The following HAL variants were observed in gnomAD, a reference collection of about 807,000 sequenced individuals.
HAL encodes the protein histidine ammonia-lyase.
A neutral mutation model predicts 81.1 loss-of-function variants in HAL; 85 were observed. The ratio of observed to expected loss-of-function variants is 1.05; its 90% CI spans 0.88 to 1.25. The LOEUF is 1.25. HAL is among the 50% of genes most tolerant of loss of function. HAL has a pLI of 0.00. For missense variants in HAL, 798 were observed against 836.6 expected, an observed-to-expected ratio of 0.95 and a Z score of 0.57; for synonymous variants, 301 against 309.2, an observed-to-expected ratio of 0.97 and a Z score of 0.28.
intron 7 of HAL, 43 bp downstream of exon 7, chr12:95,993,729 T>C (rs767083335): frequency 4.8e-6 from 5 of 1,045,072 alleles, no homozygotes; most frequent in Non-Finnish European, 7.6e-6. Context: ...ATTTAAAAGA[T>C]GAGGGTAGGT....
At chr12:95,989,952 AC>A in intron 10 of HAL, 1 of 234,888 alleles carries the variant, frequency 4.3e-6, no homozygotes. Context: ...TTTATCAAAA[AC>A]AGGCTTTTTT....
In HAL at chr12:95,973,356, C is replaced by T. The variant is rs982114013; in HGVS notation, c.*876G>A. ...CTCTAGGGCTCCATCTGACCTTTAT[C>T]AATAGGACTTATTTTAATGATTACC... On this transcript the variant is annotated 3_prime_UTR_variant, in exon 21 of 21. Coordinates refer to ENST00000261208, the MANE Select transcript of HAL (RefSeq NM_002108.4). 6.6e-6 allele frequency: 1 copy of T among 152,098 alleles called. No individual in the cohort carries two copies. The highest frequency in any genetic ancestry group is 2.4e-5 in the African/African-American group (1 of 41,402). 9.4% of individuals were successfully genotyped at this position (152,098 alleles called of 1,614,324 possible).
Position 95,980,713 on chromosome 12 carries a change from GT to G in HAL, c.1361del (p.Asp454AlafsTer39). The stretch of plus-strand genomic sequence containing the variant: ...GTTCATGGATGCCAATGGCCAAGTA[GT>G]CTAGGGCCTGAAAGAGGGTCTCCAT... ...FHGEYPAKAL[D>X]YLAIGIHELA... On this transcript the variant is annotated frameshift_variant, in exon 17 of 21. Transcript: ENST00000261208. LOFTEE classifies it high-confidence loss of function. 1 of 1,613,478 alleles carries G rather than the reference GT, an allele frequency of 6.2e-7. No individual in the cohort carries two copies. Among genetic ancestry groups the G allele is most frequent in the Non-Finnish European group, 8.5e-7 (1 of 1,179,368 alleles).
chr12:95,979,921 G>T (rs2080770807), intron 17 of HAL, among the ~76,000 whole-genome samples: 1 of 152,202 alleles, frequency 6.6e-6, no homozygotes, highest in Non-Finnish European at 1.5e-5. Flanking sequence ...GGTGACAATT[G>T]TGCAATTAAG....
chr12:95,980,669 C>T lies in HAL; in HGVS notation c.1406G>A (p.Arg469Lys). 6.2e-7 allele frequency: 1 copy of T among 1,614,088 alleles called. No individual in the cohort carries two copies. The highest frequency in any genetic ancestry group is 1.1e-5 in the South Asian group (1 of 91,088). ...GGGATTGCAGAGCCGCTCGATTCTT[C>T]TCTCACTGATTGCAGCAAGTTCATG... ...GIHELAAISE[R>K]RIERLCNPSL... The change falls in exon 17 of 21, where the codon AGA (arginine) becomes AAA (lysine). Residue 469 changes from arginine (R) to lysine (K), a missense_variant. Physicochemically the swap from Arg to Lys is conservative, Grantham distance 26 (BLOSUM62 2). Coordinates refer to ENST00000261208, the MANE Select transcript of HAL (RefSeq NM_002108.4).
chr12:95,992,806 C>G lies in HAL; in HGVS notation c.590-1G>C, dbSNP rs781671063. On this transcript the variant is annotated splice_acceptor_variant, in intron 8 of 20. Transcript: ENST00000261208. LOFTEE classifies it high-confidence loss of function. ...TCAGGACTTAGTGGTTTCCCAACAC[C>G]TGCAAAACAGAATTGATGTTTTCTC... The G allele has an allele frequency of 6.2e-7, 1 of 1,612,786 alleles. No homozygotes were observed.
At chr12:95,995,107 TA>T in intron 2 of HAL, 114 bp from the exon 3 acceptor site, 1 of 813,810 alleles carries the variant, frequency 1.2e-6, no homozygotes, top group Non-Finnish European at 2.2e-6. Context: ...ATGGCTGCTT[TA>T]AAACTGCTTC....
Position 95,980,823 on chromosome 12 carries a change from T to C in HAL, c.1328A>G (p.Asn443Ser). 1.3e-6 allele frequency: 2 copies of C among 1,594,722 alleles called. No homozygotes were observed. Among genetic ancestry groups the C allele is most frequent in the Non-Finnish European group, 8.6e-7 (1 of 1,162,616 alleles). The change falls in exon 16 of 21, where the codon AAC becomes AGC. Residue 443 changes from asparagine (N) to serine (S), a missense_variant. Asn to Ser is a conservative substitution (Grantham distance 46, BLOSUM62 1). Coordinates refer to ENST00000261208, the MANE Select transcript of HAL (RefSeq NM_002108.4). ...ANRGETVSGG[N>S]FHGEYPAKAL... ...TTTGGCTGGGTATTCACCATGGAAG[T>C]TTCCTCCAGAAACTGTCTCTCCCCT...
intron 20 of HAL, 45 bp from the exon 21 acceptor site, chr12:95,974,417 T>C (rs764973493): frequency 1.3e-6 from 2 of 1,580,804 alleles, no homozygotes; most frequent in Admixed American, 3.3e-5. Flanking sequence ...GACGACATTG[T>C]TTCCACATGC....
intron 9 of HAL, 37 bp downstream of exon 9, chr12:95,992,643 C>T (rs756035649): frequency 1.1e-5 from 18 of 1,585,232 alleles, no homozygotes; most frequent in Middle Eastern, 1.7e-4. Context: ...CATGTCCAGC[C>T]TCCACAGAGG....
intron 15 of HAL, chr12:95,983,559 C>T (rs1398444926): frequency 5.8e-6 from 2 of 343,826 alleles, no homozygotes; most frequent in African/African-American, 4.2e-5. Flanking sequence ...ACATTTGTGA[C>T]CCACGTCTTC....
chr12:95,985,767 G>A (rs1949876840), intron 14 of HAL, 141 bp downstream of exon 14: 1 of 666,162 alleles, frequency 1.5e-6, no homozygotes, highest in African/African-American at 1.8e-5. Context: ...TTTTCATAGA[G>A]ACAGTAAGAA....
In HAL at chr12:95,993,922, A is replaced by G; in HGVS notation, c.484+4T>C. On this transcript the variant is annotated splice_donor_region_variant and intron_variant, in intron 6 of 20. Transcript: ENST00000261208. The stretch of plus-strand genomic sequence containing the variant: ...ATATTTATAACATAAAGATAAAAAG[A>G]TACCTGTTTTCTCTTTTATGATGCT... 6.4e-7 allele frequency: 1 copy of G among 1,551,854 alleles called. No homozygotes were observed. Among genetic ancestry groups the G allele is most frequent in the Non-Finnish European group, 8.9e-7 (1 of 1,123,388 alleles).
At chr12:95,986,301 G>A (rs1949887846) in intron 12 of HAL, 141 bp from the exon 13 acceptor site, 3 of 681,548 alleles carry the variant, frequency 4.4e-6, no homozygotes, top group Non-Finnish European at 8.0e-6. Context: ...CCAAAGTGCT[G>A]GGATTACAGG....
At chr12:95,980,054 G>T (rs945362670) in intron 17 of HAL, among the ~76,000 whole-genome samples, 1 of 151,974 alleles carries the variant, frequency 6.6e-6, no homozygotes, top group African/African-American at 2.4e-5. Context: ...CTTCACAGAG[G>T]GTATCCTGAT....
intron 7 of HAL, 120 bp downstream of exon 7, chr12:95,993,652 T>C (rs1222670022): frequency 1.2e-6 from 1 of 835,862 alleles, no homozygotes; most frequent in African/African-American, 1.7e-5. Context: ...ACATGCAAGG[T>C]AACCCAAGCC....
At chr12:95,981,467 ATTC>A (rs975483569) in intron 15 of HAL, among the ~76,000 whole-genome samples, 3 of 152,056 alleles carry the variant, frequency 2.0e-5, no homozygotes, top group Non-Finnish European at 4.4e-5. Flanking sequence ...CTCTGAGGTA[ATTC>A]TTTTTTTATT....
chr12:95,982,481 C>A (rs17733203), intron 15 of HAL, among the ~76,000 whole-genome samples: 1 of 152,120 alleles, frequency 6.6e-6, no homozygotes, highest in Non-Finnish European at 1.5e-5. Flanking sequence ...AGAATAGATA[C>A]CTCTTCCCTA....
rs747622506 is a variant in HAL at position 95,986,081 on chromosome 12, G to T, written c.1131C>A (p.His377Gln). The change falls in exon 13 of 21, where the codon CAC becomes CAA. Residue 377 changes from histidine to glutamine, a missense_variant. Coordinates refer to ENST00000261208, the MANE Select transcript of HAL (RefSeq NM_002108.4). Reference protein sequence around the residue: ...RFRSLLDSDHHPSEIAESHRF... With the variant: ...RFRSLLDSDHQPSEIAESHRF... ...TGGTCAGACCTGCTATTTCTGATGG[G>T]TGGTGATCTGAGTCCAAGAGTGACC... is the stretch of plus-strand genomic sequence containing the variant. The T allele has an allele frequency of 1.7e-5, 28 of 1,610,762 alleles. No homozygotes were observed. The highest frequency in any genetic ancestry group is 2.4e-5 in the Non-Finnish European group (28 of 1,176,940).
Sources: gnomAD v4.1 joint callset for allele counts (sites outside exome capture counted in the v4.1 genomes callset) on GRCh38, gnomAD v4.1.1 for gene constraint, MANE v1.5 for transcripts, NCBI Gene and HGNC (gene_info 2026-07-23, HGNC 2026-07-21) for gene names.